NXPH2: variants seen among roughly 807,000 people sequenced by gnomAD.
The protein encoded by NXPH2 is neurexophilin 2, also known as neurexophilin-2.
NXPH2 carries 5 observed loss-of-function variants against 19.8 expected under a neutral mutation model. The ratio of observed to expected loss-of-function variants is 0.25; its 90% CI spans 0.13 to 0.53. The LOEUF (loss-of-function observed/expected upper bound fraction) is 0.53, where lower values mean the gene tolerates loss of function less well. Among genes scored for constraint, NXPH2 ranks in the 20% least tolerant of loss-of-function variants. NXPH2 has a pLI of 0.96. For missense variants in NXPH2, 289 were observed against 322.8 expected (o/e 0.90, Z 0.80); for synonymous variants, 154 against 127.4 (o/e 1.21, Z -1.41).
chr2:138,745,845 GT>G (rs1254225174), intron 1 of NXPH2, among the ~76,000 whole-genome samples: 1 of 152,172 alleles, frequency 6.6e-6, no homozygotes, highest in Non-Finnish European at 1.5e-5. Context: ...CAGGAAGGTG[GT>G]TTAGTTGTAT....
chr2:138,671,303 T>C lies in NXPH2; in HGVS notation c.414A>G (p.Gly138=). The C allele has an allele frequency of 6.2e-7, 1 of 1,613,854 alleles. No homozygotes were observed. Among genetic ancestry groups the C allele is most frequent in the Non-Finnish European group, 8.5e-7 (1 of 1,179,804 alleles). Residue 138 remains glycine, a synonymous_variant, in exon 2 of 2, where the codon GGA becomes GGG. Coordinates refer to ENST00000272641, the MANE Select transcript of NXPH2 (RefSeq NM_007226.3). ...GGAAATACACACTGAAGGTTCCATT[T>C]CCATGGTCAACAATTTTCCCTGTGA... ...LLITGKIVDH[G]NGTFSVYFRH...
At chr2:138,770,269 C>T (rs1287607912) in intron 1 of NXPH2, among the ~76,000 whole-genome samples, 3 of 151,960 alleles carry the variant, frequency 2.0e-5, no homozygotes, top group Non-Finnish European at 2.9e-5. Flanking sequence ...AATCTTTATA[C>T]AAAAATCTGG....
intron 1 of NXPH2, among the ~76,000 whole-genome samples, chr2:138,731,497 C>T (rs985040316): frequency 1.3e-5 from 2 of 152,062 alleles, no homozygotes; most frequent in Admixed American, 6.6e-5. Flanking sequence ...CATCATCTCT[C>T]TGGGCTTTGA....
chr2:138,705,819 T>C (rs913702291), intron 1 of NXPH2, among the ~76,000 whole-genome samples: 1 of 152,164 alleles, frequency 6.6e-6, no homozygotes, highest in African/African-American at 2.4e-5. Flanking sequence ...TAAACATTCA[T>C]ATAGCTGAGG....
intron 1 of NXPH2, among the ~76,000 whole-genome samples, chr2:138,717,145 C>T (rs774516092): frequency 1.3e-5 from 2 of 152,052 alleles, no homozygotes; most frequent in African/African-American, 4.8e-5. Context: ...AAGGAAGGAG[C>T]TTTTTATATA....
At chr2:138,751,528 T>G (rs987979417) in intron 1 of NXPH2, among the ~76,000 whole-genome samples, 1 of 152,192 alleles carries the variant, frequency 6.6e-6, no homozygotes, top group Admixed American at 6.5e-5. Flanking sequence ...GAAACTATTG[T>G]GAACAATTTT....
chr2:138,698,063 C>T (rs764985157), intron 1 of NXPH2, among the ~76,000 whole-genome samples: 2 of 152,042 alleles, frequency 1.3e-5, no homozygotes, highest in African/African-American at 2.4e-5. Flanking sequence ...ACTTCTGAAG[C>T]GTCCTTAGGA....
intron 1 of NXPH2, among the ~76,000 whole-genome samples, chr2:138,735,077 G>C (rs1681518421): frequency 6.6e-6 from 1 of 152,172 alleles, no homozygotes; most frequent in Non-Finnish European, 1.5e-5. Context: ...AATAAGCATA[G>C]ATAGAAATGG....
At chr2:138,705,018 G>C (rs1680986125) in intron 1 of NXPH2, among the ~76,000 whole-genome samples, 2 of 151,992 alleles carry the variant, frequency 1.3e-5, no homozygotes, top group African/African-American at 4.8e-5. Flanking sequence ...GTAGAGACAG[G>C]GTTTCACCAT....
intron 1 of NXPH2, among the ~76,000 whole-genome samples, chr2:138,708,480 G>A (rs79816843): frequency 0.021 from 3,172 of 152,304 alleles, 50 homozygotes; most frequent in Non-Finnish European, 0.033. Flanking sequence ...GCAAATTAAT[G>A]CTGCATTCAC....
rs143838031 is a variant in NXPH2, at chr2:138,681,779, T to C, written c.52-10114A>G. The stretch of plus-strand genomic sequence containing the variant: ...TTCGGTCTTGGATACCCTATAAGTA[T>C]TTATTATTGTTGTTTCAGAATGATG... On this transcript the variant is annotated intron_variant, in intron 1 of 1. Transcript: ENST00000272641. 1.2e-3 allele frequency among the ~76,000 whole-genome samples: 182 copies of C among 152,316 alleles called. 1 individual carries two copies. Among genetic ancestry groups the C allele is most frequent in the African/African-American group, 4.2e-3 (176 of 41,568 alleles).
chr2:138,670,870 G>A lies in NXPH2; in HGVS notation c.*52C>T. 6.5e-7 allele frequency: 1 copy of A among 1,539,512 alleles called. No individual in the cohort carries two copies. The highest frequency in any genetic ancestry group is 8.8e-7 in the Non-Finnish European group (1 of 1,139,864). ...CATAAAGAGCTGGGCTTGTTTCTTT[G>A]TCATTCTAATCAAATACATATGTAT... On this transcript the variant is annotated 3_prime_UTR_variant, in exon 2 of 2. Coordinates refer to ENST00000272641, the MANE Select transcript of NXPH2 (RefSeq NM_007226.3).
intron 1 of NXPH2, among the ~76,000 whole-genome samples, chr2:138,676,463 C>T (rs995286686): frequency 5.3e-5 from 8 of 152,158 alleles, no homozygotes; most frequent in Non-Finnish European, 7.3e-5. Context: ...AGCCACAACC[C>T]TTCCCACCTC....
chr2:138,692,059 G>A (rs1207562400), intron 1 of NXPH2, among the ~76,000 whole-genome samples: 1 of 152,194 alleles, frequency 6.6e-6, no homozygotes, highest in Non-Finnish European at 1.5e-5. Flanking sequence ...GTGCTAAAGA[G>A]GTAATCAGAG....
At chr2:138,767,203 G>C (rs146674356) in intron 1 of NXPH2, among the ~76,000 whole-genome samples, 66 of 152,324 alleles carry the variant, frequency 4.3e-4, no homozygotes, top group African/African-American at 1.6e-3. Flanking sequence ...CACTTATGAA[G>C]CTGATATAAC....
intron 1 of NXPH2, among the ~76,000 whole-genome samples, chr2:138,756,194 T>C (rs1385615549): frequency 6.6e-6 from 1 of 152,114 alleles, no homozygotes; most frequent in African/African-American, 2.4e-5. Flanking sequence ...TGAACACCAT[T>C]GATTTTGTTT....
At chr2:138,692,917 T>C (rs1050632435) in intron 1 of NXPH2, among the ~76,000 whole-genome samples, 61 of 152,338 alleles carry the variant, frequency 4.0e-4, no homozygotes, top group African/African-American at 1.5e-3. Context: ...CAAGAAAGCC[T>C]TTTGTTCATA....
chr2:138,715,886 C>A (rs932361239), intron 1 of NXPH2, among the ~76,000 whole-genome samples: 2 of 152,198 alleles, frequency 1.3e-5, no homozygotes, highest in African/African-American at 4.8e-5. Context: ...AGGGCAGGAA[C>A]TCTCCATGCC....
chr2:138,724,639 A>G (rs1392167198), intron 1 of NXPH2, among the ~76,000 whole-genome samples: 1 of 152,244 alleles, frequency 6.6e-6, no homozygotes, highest in Non-Finnish European at 1.5e-5. Flanking sequence ...TGTTGACGAC[A>G]CTGAGTAGCT....
Sources: gnomAD v4.1 joint callset for allele counts (sites outside exome capture counted in the v4.1 genomes callset) on GRCh38, gnomAD v4.1.1 for gene constraint, MANE v1.5 for transcripts, NCBI Gene and HGNC (gene_info 2026-07-23, HGNC 2026-07-21) for gene names.